The following GRIP1 variants were observed in gnomAD, a reference collection of about 807,000 sequenced individuals.
GRIP1 encodes the protein glutamate receptor interacting protein 1, also known as glutamate receptor-interacting protein 1.
Under a neutral mutation model 129.9 loss-of-function variants are expected in GRIP1, and 45 were observed. The observed-to-expected ratio is 0.35, with a 90% CI of 0.27 to 0.44. GRIP1 has a LOEUF of 0.44. Ranked by LOEUF, GRIP1 falls within the 20% of genes least tolerant of loss-of-function variation. GRIP1 has a pLI of 1.00. For missense variants in GRIP1, 1,196 were observed against 1,396.8 expected (o/e 0.86, Z 2.29); for synonymous variants, 530 against 520.8 (o/e 1.02, Z -0.24).
chr12:66,783,559 T>C (rs2038224650), intron 1 of GRIP1, among the ~76,000 whole-genome samples: 1 of 152,272 alleles, frequency 6.6e-6, no homozygotes, highest in Middle Eastern at 3.4e-3. Flanking sequence ...CTTGCAAACA[T>C]GACATGCTTT....
intron 7 of GRIP1, among the ~76,000 whole-genome samples, chr12:66,501,088 T>C (rs2060379710): frequency 6.6e-6 from 1 of 152,158 alleles, no homozygotes. Flanking sequence ...TCAGTGGGTG[T>C]TACTGTATTG....
At chr12:66,977,298 C>G (rs377752382) in intron 1 of GRIP1, among the ~76,000 whole-genome samples, 1 of 150,504 alleles carries the variant, frequency 6.6e-6, no homozygotes, top group African/African-American at 2.4e-5. Context: ...GCAGGTCAAA[C>G]TTTCAAAAAG....
At chr12:67,023,437 G>A (rs767926998) in intron 1 of GRIP1, among the ~76,000 whole-genome samples, 8 of 152,114 alleles carry the variant, frequency 5.3e-5, no homozygotes, top group Non-Finnish European at 7.4e-5. Context: ...GTAGTTACCC[G>A]TAAATGTGTG....
chr12:66,431,576 C>T (rs908408217), intron 14 of GRIP1, among the ~76,000 whole-genome samples: 5 of 152,280 alleles, frequency 3.3e-5, no homozygotes, highest in Middle Eastern at 3.4e-3. Context: ...TTTGCCTGAA[C>T]CACTGACAGA....
At chr12:66,611,016 C>T (rs1238048777) in intron 1 of GRIP1, among the ~76,000 whole-genome samples, 1 of 152,036 alleles carries the variant, frequency 6.6e-6, no homozygotes, top group Non-Finnish European at 1.5e-5. Context: ...TTGCTTAAGA[C>T]AAGCTTAACA....
At chr12:66,852,072 T>C (rs1272675620) in intron 1 of GRIP1, among the ~76,000 whole-genome samples, 1 of 152,068 alleles carries the variant, frequency 6.6e-6, no homozygotes, top group Non-Finnish European at 1.5e-5. Context: ...AATTGAACTT[T>C]AGGGGTTTAC....
chr12:67,022,041 T>A (rs557034439), intron 1 of GRIP1, among the ~76,000 whole-genome samples: 1 of 152,298 alleles, frequency 6.6e-6, no homozygotes, highest in African/African-American at 2.4e-5. Flanking sequence ...ATTTTCTTCA[T>A]CCATTCATCT....
At chr12:66,820,605 T>C (rs570773876) in intron 1 of GRIP1, among the ~76,000 whole-genome samples, 71 of 152,272 alleles carry the variant, frequency 4.7e-4, no homozygotes, top group African/African-American at 1.6e-3. Flanking sequence ...AAGCAACCAA[T>C]ATGTCTTTCA....
At chr12:66,814,762 G>A (rs2039174533) in intron 1 of GRIP1, among the ~76,000 whole-genome samples, 1 of 152,148 alleles carries the variant, frequency 6.6e-6, no homozygotes, top group Non-Finnish European at 1.5e-5. Context: ...AAGAGAGAGA[G>A]AGAGAGGTTT....
chr12:67,026,350 A>C (rs1223694850), intron 1 of GRIP1, among the ~76,000 whole-genome samples: 1 of 152,052 alleles, frequency 6.6e-6, no homozygotes, highest in Non-Finnish European at 1.5e-5. Flanking sequence ...TTTGTTGGGA[A>C]AATTTTTTCT....
chr12:66,894,008 C>T (rs1035082441), intron 1 of GRIP1, among the ~76,000 whole-genome samples: 1 of 152,154 alleles, frequency 6.6e-6, no homozygotes, highest in Non-Finnish European at 1.5e-5. Context: ...TTCTACTCCT[C>T]TCACCAGCCA....
At chr12:66,496,492 A>G (rs1298937879) in intron 7 of GRIP1, among the ~76,000 whole-genome samples, 1 of 152,198 alleles carries the variant, frequency 6.6e-6, no homozygotes. Context: ...CATACAGGCC[A>G]CTTTGTAGAC....
At chr12:67,001,997 A>G (rs1334102651) in intron 1 of GRIP1, among the ~76,000 whole-genome samples, 3 of 152,134 alleles carry the variant, frequency 2.0e-5, no homozygotes, top group Non-Finnish European at 4.4e-5. Context: ...AGCTGAATAC[A>G]ACACGACATA....
chr12:66,538,367 T>G (rs1200752607), intron 4 of GRIP1, among the ~76,000 whole-genome samples: 2 of 151,964 alleles, frequency 1.3e-5, no homozygotes, highest in African/African-American at 4.8e-5. Flanking sequence ...GCCCGACTAA[T>G]CTTTTTTTGG....
intron 2 of GRIP1, chr12:66,568,886 T>G: frequency 1.8e-5 from 9 of 498,490 alleles, no homozygotes; most frequent in South Asian, 4.4e-5. Context: ...TCTTATGCAG[T>G]TGAGTAGGTT....
At chr12:67,047,026 T>C (rs1273612214) in intron 1 of GRIP1, among the ~76,000 whole-genome samples, 1 of 152,196 alleles carries the variant, frequency 6.6e-6, no homozygotes, top group Non-Finnish European at 1.5e-5. Flanking sequence ...TTTTGATCTG[T>C]TGAGTGTAAG....
At chr12:66,545,267 G>A (rs2061913253) in intron 2 of GRIP1, among the ~76,000 whole-genome samples, 1 of 152,084 alleles carries the variant, frequency 6.6e-6, no homozygotes, top group Non-Finnish European at 1.5e-5. Context: ...GTTGTTTGCT[G>A]TTTTTCTTTG....
chr12:66,806,375 T>C (rs56325891), upstream of GRIP1, among the ~76,000 whole-genome samples: 21,003 of 152,174 alleles, frequency 0.14, 1,832 homozygotes, highest in Middle Eastern at 0.22. Context: ...TTTGAAAAAA[T>C]TGTCAACTTT....
chr12:66,947,178 G>A (rs1254928166), intron 1 of GRIP1, among the ~76,000 whole-genome samples: 1 of 152,158 alleles, frequency 6.6e-6, no homozygotes, highest in East Asian at 1.9e-4. Context: ...ATCATATAAT[G>A]GCTGGAGCCT....
Sources: allele counts gnomAD v4.1 joint callset (sites outside exome capture counted in the v4.1 genomes callset), GRCh38; gene constraint gnomAD v4.1.1; transcripts MANE v1.5; gene names NCBI Gene and HGNC (gene_info 2026-07-23, HGNC 2026-07-21).